ADA: variants seen among roughly 807,000 people sequenced by gnomAD.
ADA encodes adenosine aminohydrolase.
Under a neutral mutation model 49.0 loss-of-function variants are expected in ADA, and 45 were observed. The observed-to-expected ratio is 0.92, with a 90% CI of 0.72 to 1.18. ADA has a LOEUF of 1.18. Among genes scored for constraint, ADA ranks in the 50% most tolerant of loss-of-function variants. ADA has a pLI of 0.00. For missense variants in ADA, 445 were observed against 472.5 expected (o/e 0.94, Z 0.54); for synonymous variants, 173 against 184.2 (o/e 0.94, Z 0.49).
chr20:44,622,918 G>GT lies in ADA; in HGVS notation c.690dup (p.Leu231ThrfsTer20), dbSNP rs2065346614. The GT allele has an allele frequency of 1.9e-6, 3 of 1,614,248 alleles. No individual in the cohort carries two copies. Among genetic ancestry groups the GT allele is most frequent in the Non-Finnish European group, 2.5e-6 (3 of 1,180,044 alleles). ...CCGTGTCCCAGCCGCTCTGTCTTGA[G>GT]TATGTCCACAGCCTGTAGAGAAGCA... On this transcript the variant is annotated frameshift_variant, in exon 8 of 12. Transcript: ENST00000372874. LOFTEE classifies it high-confidence loss of function.
chr20:44,620,251 CTG>C, intron 11 of ADA, 46 bp downstream of exon 11: 1 of 1,528,216 alleles, frequency 6.5e-7, no homozygotes, highest in Non-Finnish European at 9.1e-7. Context: ...GAAAGCCACA[CTG>C]GGGCCAGGAC....
At chr20:44,630,112 C>G (rs1186264145) in intron 2 of ADA, among the ~76,000 whole-genome samples, 1 of 151,930 alleles carries the variant, frequency 6.6e-6, no homozygotes, top group Non-Finnish European at 1.5e-5. Flanking sequence ...CCTCCCAGGC[C>G]AAGGTGCGAG....
At chr20:44,642,607 AG>A (rs965746898) in intron 1 of ADA, among the ~76,000 whole-genome samples, 16 of 151,998 alleles carry the variant, frequency 1.1e-4, no homozygotes, top group Admixed American at 9.2e-4. Context: ...CAAAGTGGAG[AG>A]GGGGCAGGGA....
rs528680964 is a variant in ADA, at chr20:44,622,596, T to C, written c.837A>G (p.Ala279=). 1 of 1,614,208 alleles carries C rather than the reference T, an allele frequency of 6.2e-7. No individual in the cohort carries two copies. Among genetic ancestry groups the C allele is most frequent in the South Asian group, 1.1e-5 (1 of 91,088 alleles). The part of the protein sequence containing the change: ...TGAWKPDTEH[A]VIRLKNDQAN... ...AGGGGAACAGAGCTCACCGAATGAC[T>C]GCATGCTCCGTGTCCGGCTTCCAGG... is the stretch of plus-strand genomic sequence containing the variant. The change falls in exon 9 of 12, where the codon GCA becomes GCG. Residue 279 remains alanine, a synonymous_variant. Transcript: ENST00000372874.
chr20:44,624,093 C>T (rs1386166174), intron 6 of ADA, 109 bp downstream of exon 6: 7 of 1,467,556 alleles, frequency 4.8e-6, no homozygotes, highest in African/African-American at 2.8e-5. Flanking sequence ...AGACACACTT[C>T]AGAACTCAGG....
chr20:44,640,086 A>G (rs1600941628), intron 1 of ADA, among the ~76,000 whole-genome samples: 1 of 152,152 alleles, frequency 6.6e-6, no homozygotes, highest in African/African-American at 2.4e-5. Context: ...AAAGCTGTCT[A>G]CATGCTAATC....
chr20:44,639,664 C>G (rs185766769), intron 1 of ADA, among the ~76,000 whole-genome samples: 2 of 152,202 alleles, frequency 1.3e-5, no homozygotes, highest in Admixed American at 1.3e-4. Flanking sequence ...CTGCCCACCT[C>G]GGCCTCCCAA....
chr20:44,627,831 A>T (rs959894104), intron 3 of ADA, among the ~76,000 whole-genome samples: 2 of 152,352 alleles, frequency 1.3e-5, no homozygotes, highest in Admixed American at 1.3e-4. Flanking sequence ...CCTTGTGCCC[A>T]CACTTATCTG....
intron 2 of ADA, among the ~76,000 whole-genome samples, chr20:44,633,064 G>T (rs1233085093): frequency 1.3e-5 from 2 of 152,192 alleles, no homozygotes; most frequent in Admixed American, 1.3e-4. Flanking sequence ...GTCCTCTTCC[G>T]GCCTTGGTGG....
At chr20:44,634,702 G>C (rs921325955) in intron 2 of ADA, among the ~76,000 whole-genome samples, 1 of 152,262 alleles carries the variant, frequency 6.6e-6, no homozygotes, top group Admixed American at 6.5e-5. Flanking sequence ...GCAGAAGAAG[G>C]TCCCTGGAAG....
chr20:44,620,008 G>C (rs1419098401), intron 11 of ADA, among the ~76,000 whole-genome samples, 161 bp from the exon 12 acceptor site: 1 of 152,180 alleles, frequency 6.6e-6, no homozygotes, highest in Non-Finnish European at 1.5e-5. Flanking sequence ...AACAGGCCTG[G>C]GCCCCTCTCC....
chr20:44,619,970 C>G, intron 11 of ADA, 123 bp from the exon 12 acceptor site: 1 of 1,303,118 alleles, frequency 7.7e-7, no homozygotes, highest in Non-Finnish European at 1.1e-6. Flanking sequence ...AGATGCCTTG[C>G]CAAGACCACA....
At chr20:44,629,316 C>G in intron 2 of ADA, 147 bp from the exon 3 acceptor site, 3 of 1,237,294 alleles carry the variant, frequency 2.4e-6, no homozygotes, top group Non-Finnish European at 3.4e-6. Flanking sequence ...GCTGCTCCCA[C>G]TGGACAGATG....
intron 2 of ADA, among the ~76,000 whole-genome samples, chr20:44,635,157 G>C (rs2065468711): frequency 6.6e-6 from 1 of 152,232 alleles, no homozygotes; most frequent in Admixed American, 6.5e-5. Context: ...TAAGAGAGGA[G>C]CTGCTGTGAG....
At chr20:44,622,110 C>G (rs2065337560) in intron 9 of ADA, among the ~76,000 whole-genome samples, 1 of 152,188 alleles carries the variant, frequency 6.6e-6, no homozygotes, top group African/African-American at 2.4e-5. Flanking sequence ...GAAGGAGGGC[C>G]TTGACCCTGG....
Position 44,636,913 on chromosome 20 carries a change from C to A in ADA, c.34-625G>T, listed in dbSNP as rs892251757. 3.3e-5 allele frequency among the ~76,000 whole-genome samples: 5 copies of A among 152,274 alleles called. No homozygotes were observed. In the South Asian group the frequency reaches 1.0e-3, roughly 32 times the overall value. On this transcript the variant is annotated intron_variant, in intron 1 of 11. Coordinates refer to ENST00000372874, the MANE Select transcript of ADA (RefSeq NM_000022.4). ...CTCCACCTCCTGGGTTCAAGCAATT[C>A]TTGTGCCTCAGCCTCCGGAGTAGCT... is the stretch of plus-strand genomic sequence containing the variant.
chr20:44,629,004 G>A (rs1228520363), intron 3 of ADA, 43 bp downstream of exon 3: 1 of 1,613,768 alleles, frequency 6.2e-7, no homozygotes, highest in Non-Finnish European at 8.5e-7. Context: ...CTAGTCATAG[G>A]GATCAATGCT....
At chr20:44,645,645 C>T (rs1044326204) in intron 1 of ADA, among the ~76,000 whole-genome samples, 3 of 152,178 alleles carry the variant, frequency 2.0e-5, no homozygotes, top group African/African-American at 7.2e-5. Flanking sequence ...GGACCATTAC[C>T]AACCATGATG....
chr20:44,634,364 T>C (rs1395066016), intron 2 of ADA, among the ~76,000 whole-genome samples: 25 of 152,232 alleles, frequency 1.6e-4, no homozygotes, highest in Admixed American at 1.6e-3. Context: ...CATTAATGTG[T>C]GCTAGGCCCT....
Sources: allele counts gnomAD v4.1 joint callset (sites outside exome capture counted in the v4.1 genomes callset), GRCh38; gene constraint gnomAD v4.1.1; transcripts MANE v1.5; gene names NCBI Gene and HGNC (gene_info 2026-07-23, HGNC 2026-07-21).